KCND2: variants seen among roughly 807,000 people sequenced by gnomAD.
KCND2 encodes A-type voltage-gated potassium channel KCND2.
Under a neutral mutation model 54.4 loss-of-function variants are expected in KCND2, and 16 were observed. The observed-to-expected ratio is 0.29, with a 90% CI of 0.20 to 0.45. The LOEUF (loss-of-function observed/expected upper bound fraction) is 0.45, where lower values mean the gene tolerates loss of function less well. Ranked by LOEUF, KCND2 falls within the 20% of genes least tolerant of loss-of-function variation. The pLI, the probability that KCND2 is intolerant of heterozygous loss-of-function variation, is 1.00. For missense variants in KCND2, 486 were observed against 824.2 expected (o/e 0.59, Z 5.02); for synonymous variants, 317 against 310.7 (o/e 1.02, Z -0.21).
At position 120,464,226 on chromosome 7, in the gene KCND2, T is replaced by TA. The variant is rs78293887; in HGVS notation, c.1115+188490dup. On this transcript the variant is annotated intron_variant, in intron 1 of 5. Coordinates refer to ENST00000331113, the MANE Select transcript of KCND2 (RefSeq NM_012281.3). ...GATATTTTGATTTGACTGGTCAAGGTAAAAAAAAAAAGAAAACCTACATTT... is the reference window on the plus strand; with the variant it reads ...GATATTTTGATTTGACTGGTCAAGGTAAAAAAAAAAAAGAAAACCTACATTT... 8.5e-3 allele frequency: 1,533 copies of TA among 179,492 alleles called. 60 individuals are homozygous for TA. In the East Asian group the frequency reaches 0.15, roughly 18 times the overall value. 11.1% of individuals were successfully genotyped at this position (179,492 alleles called of 1,614,324 possible).
chr7:120,742,502 G>T lies in KCND2; in HGVS notation c.1375-8G>T, dbSNP rs201244697. ...TAGAAAGCTCTTCTGTCTTCTCTTT[G>T]TTAACAGTCCTCAGAGGATGAGCAG... is the stretch of plus-strand genomic sequence containing the variant. On this transcript the variant is annotated splice_region_variant and splice_polypyrimidine_tract_variant and intron_variant, in intron 3 of 5. Transcript: ENST00000331113. 1,400 of 1,611,756 alleles carry T rather than the reference G, an allele frequency of 8.7e-4. 2 individuals are homozygous for T. Among genetic ancestry groups the T allele is most frequent in the Admixed American group, 1.9e-3 (116 of 59,964 alleles).
chr7:120,344,719 T>G (rs1019720950), intron 1 of KCND2, among the ~76,000 whole-genome samples: 2 of 152,194 alleles, frequency 1.3e-5, no homozygotes, highest in Non-Finnish European at 2.9e-5. Context: ...AAGGAGTGTG[T>G]GGGCTTTTTC....
chr7:120,586,166 GAC>G (rs144481094), intron 1 of KCND2, among the ~76,000 whole-genome samples: 1,609 of 150,456 alleles, frequency 0.011, 34 homozygotes, highest in African/African-American at 0.037. Flanking sequence ...CTCACACACA[GAC>G]ACACACACAC....
rs530629463 is a variant in KCND2, at chr7:120,741,530, A to G, written c.1279-4A>G. The G allele has an allele frequency of 9.3e-5, 150 of 1,606,238 alleles. 1 individual carries two copies. The South Asian group carries it at 1.1e-3, about 12-fold the overall frequency. On this transcript the variant is annotated splice_polypyrimidine_tract_variant and splice_region_variant and intron_variant, in intron 2 of 5. Coordinates refer to ENST00000331113, the MANE Select transcript of KCND2 (RefSeq NM_012281.3). ...TAATGGGATGTTTATTTTTTCTCCT[A>G]TAGAAAGCTAGACTGGCCAGGATCC...
intron 1 of KCND2, among the ~76,000 whole-genome samples, chr7:120,643,054 G>A (rs1243413263): frequency 1.3e-5 from 2 of 152,154 alleles, no homozygotes; most frequent in Admixed American, 1.3e-4. Context: ...ATGTTACTGA[G>A]CTTTACACAA....
chr7:120,467,302 AAG>A lies in KCND2; in HGVS notation c.1115+191559_1115+191560del, dbSNP rs367742943. On this transcript the variant is annotated intron_variant, in intron 1 of 5. Coordinates refer to ENST00000331113, the MANE Select transcript of KCND2 (RefSeq NM_012281.3). ...ACCTTGGTTGTGATATATGGAATAA[AAG>A]AGACTGTCCTTTCCATCAGTTTCTT... Among the ~76,000 whole-genome samples, 67 of 152,256 alleles carry A rather than the reference AAG, an allele frequency of 4.4e-4. 1 individual carries two copies. In the South Asian group the frequency reaches 0.011, roughly 25 times the overall value.
chr7:120,739,630 G>A (rs1792914823), intron 2 of KCND2, among the ~76,000 whole-genome samples: 1 of 151,866 alleles, frequency 6.6e-6, no homozygotes, highest in South Asian at 2.1e-4. Flanking sequence ...TCAGCACACA[G>A]GAAGAATAAA....
At chr7:120,555,545 A>C (rs1792153377) in intron 1 of KCND2, among the ~76,000 whole-genome samples, 1 of 152,186 alleles carries the variant, frequency 6.6e-6, no homozygotes, top group Non-Finnish European at 1.5e-5. Context: ...ACTTCTTGCA[A>C]ATTCAGCATA....
intron 1 of KCND2, among the ~76,000 whole-genome samples, chr7:120,403,558 G>T (rs1424474556): frequency 4.1e-5 from 6 of 146,592 alleles, no homozygotes; most frequent in Admixed American, 2.8e-4. Context: ...TCAAACTTCT[G>T]ACCTCAAATG....
At chr7:120,345,964 A>G (rs765441492) in intron 1 of KCND2, among the ~76,000 whole-genome samples, 26 of 152,294 alleles carry the variant, frequency 1.7e-4, no homozygotes, top group Non-Finnish European at 2.8e-4. Flanking sequence ...ATTTCCAGCA[A>G]CAGAACAGAG....
chr7:120,426,644 CAGTGGCGCAA>C (rs1801712150), intron 1 of KCND2, among the ~76,000 whole-genome samples: 2 of 82,782 alleles, frequency 2.4e-5, no homozygotes, highest in East Asian at 1.1e-3. Flanking sequence ...GGCTGGAGTG[CAGTGGCGCAA>C]TCTGTCGCCC....
At chr7:120,674,724 T>G (rs1416155359) in intron 1 of KCND2, among the ~76,000 whole-genome samples, 1 of 152,238 alleles carries the variant, frequency 6.6e-6, no homozygotes, top group Non-Finnish European at 1.5e-5. Context: ...AGTTCTGCAG[T>G]TTCACAAACA....
At chr7:120,343,706 A>T (rs1800273890) in intron 1 of KCND2, among the ~76,000 whole-genome samples, 1 of 152,176 alleles carries the variant, frequency 6.6e-6, no homozygotes, top group Non-Finnish European at 1.5e-5. Context: ...CATGTTGGTG[A>T]TACATTTAAT....
chr7:120,556,209 G>A (rs530117229), intron 1 of KCND2, among the ~76,000 whole-genome samples: 5 of 152,170 alleles, frequency 3.3e-5, no homozygotes, highest in South Asian at 2.1e-4. Flanking sequence ...CTCTCAATGC[G>A]TCCGAAATGA....
At chr7:120,351,916 A>G (rs778662163) in intron 1 of KCND2, among the ~76,000 whole-genome samples, 1 of 151,570 alleles carries the variant, frequency 6.6e-6, no homozygotes, top group Non-Finnish European at 1.5e-5. Flanking sequence ...GGTTCAAGCA[A>G]TTCTCCTGCC....
At chr7:120,583,164 G>A (rs987448050) in intron 1 of KCND2, among the ~76,000 whole-genome samples, 1 of 152,074 alleles carries the variant, frequency 6.6e-6, no homozygotes, top group African/African-American at 2.4e-5. Flanking sequence ...TCAGGAGCAT[G>A]GATAAGGAAT....
intron 1 of KCND2, among the ~76,000 whole-genome samples, chr7:120,497,207 C>T (rs748136966): frequency 6.6e-6 from 1 of 151,950 alleles, no homozygotes; most frequent in African/African-American, 2.4e-5. Flanking sequence ...ATAAGAACAC[C>T]CAATTCTATC....
At chr7:120,650,690 TC>T (rs1791718847) in intron 1 of KCND2, among the ~76,000 whole-genome samples, 1 of 144,004 alleles carries the variant, frequency 6.9e-6, no homozygotes. Flanking sequence ...GGACAGGCAC[TC>T]TGATTTTTAG....
chr7:120,513,722 T>C (rs1803155185), intron 1 of KCND2, among the ~76,000 whole-genome samples: 2 of 152,130 alleles, frequency 1.3e-5, no homozygotes, highest in Non-Finnish European at 2.9e-5. Context: ...CTTTTCTAAT[T>C]GTCAAATTTT....
Sources: allele counts gnomAD v4.1 joint callset (sites outside exome capture counted in the v4.1 genomes callset), GRCh38; gene constraint gnomAD v4.1.1; transcripts MANE v1.5; gene names NCBI Gene and HGNC (gene_info 2026-07-23, HGNC 2026-07-21).